Variants in SLC45A4 observed in about 807,000 individuals in gnomAD.
SLC45A4 encodes the protein polyamine-transporter SLC45A4.
A neutral mutation model predicts 63.7 loss-of-function variants in SLC45A4; 32 were observed. The observed-to-expected ratio is 0.50, with a 90% CI of 0.38 to 0.67. The LOEUF (loss-of-function observed/expected upper bound fraction) is 0.67. SLC45A4 is among the 30% of genes least tolerant of loss of function. SLC45A4 has a pLI of 0.00. For synonymous variants in SLC45A4, 535 were observed against 510.0 expected (o/e 1.05, Z -0.66); for missense variants, 1,027 against 1,157.7 (o/e 0.89, Z 1.64).
chr8:141,279,998 C>T (rs1300852897), intron 1 of SLC45A4, among the ~76,000 whole-genome samples: 2 of 152,266 alleles, frequency 1.3e-5, no homozygotes, highest in South Asian at 2.1e-4. Context: ...CAAGAACCAG[C>T]GGCAGCAGCG....
intron 1 of SLC45A4, among the ~76,000 whole-genome samples, chr8:141,288,397 A>G (rs538812010): frequency 2.0e-5 from 3 of 152,384 alleles, no homozygotes; most frequent in South Asian, 4.1e-4. Context: ...TTGCAAGCGC[A>G]TCGGTACGCC....
rs7816147 is a variant in SLC45A4, at chr8:141,270,599, A to C, written c.-400-15970T>G. ...GGTGGGAGAACCGCTTGAGGCCAGG[A>C]GGTGGAGGCTGCAGTGAGCCAAGAT... On this transcript the variant is annotated intron_variant, in intron 1 of 8. Coordinates refer to ENST00000517878, the MANE Select transcript of SLC45A4 (RefSeq NM_001286646.2). Among the ~76,000 whole-genome samples the C allele has an allele frequency of 3.2e-3, 483 of 152,120 alleles. 1 individual carries two copies. The highest frequency in any genetic ancestry group is 0.011 in the African/African-American group (457 of 41,502).
chr8:141,269,190 G>A (rs964444757), intron 1 of SLC45A4, among the ~76,000 whole-genome samples: 4 of 152,322 alleles, frequency 2.6e-5, no homozygotes, highest in African/African-American at 7.2e-5. Flanking sequence ...CTACGTCCCC[G>A]CTTTCACCCT....
At chr8:141,305,339 C>A (rs910179195) in intron 1 of SLC45A4, among the ~76,000 whole-genome samples, 2 of 152,230 alleles carry the variant, frequency 1.3e-5, no homozygotes, top group African/African-American at 4.8e-5. Context: ...TTCTACAAGG[C>A]TGCTCTTCGG....
intron 2 of SLC45A4, among the ~76,000 whole-genome samples, chr8:141,233,481 A>C (rs1221420240): frequency 6.6e-6 from 1 of 152,136 alleles, no homozygotes; most frequent in African/African-American, 2.4e-5. Context: ...CAGAAGTTCG[A>C]GATCAGCCTG....
intron 1 of SLC45A4, among the ~76,000 whole-genome samples, chr8:141,267,793 C>T (rs1029254159): frequency 6.7e-6 from 1 of 149,260 alleles, no homozygotes; most frequent in African/African-American, 2.6e-5. Context: ...ATGGCCAAAG[C>T]TTAGGGCACG....
At chr8:141,228,182 T>C in intron 2 of SLC45A4, 2 of 1,614,052 alleles carry the variant, frequency 1.2e-6, no homozygotes, top group Non-Finnish European at 1.7e-6. Flanking sequence ...TTCTAACCTT[T>C]CTGAAGACTC....
intron 4 of SLC45A4, 105 bp downstream of exon 4, chr8:141,219,545 G>T: frequency 7.5e-7 from 1 of 1,342,024 alleles, no homozygotes; most frequent in Non-Finnish European, 1.0e-6. Flanking sequence ...AACCCTCCAT[G>T]CAGCCTGATG....
chr8:141,244,953 T>TGGGGGGGGGGGGGGGGGGGGGGGGGGGGG (rs1332452740), intron 2 of SLC45A4, among the ~76,000 whole-genome samples: 1 of 27,754 alleles, frequency 3.6e-5, no homozygotes, highest in African/African-American at 3.2e-4. Context: ...CAAGAAGACG[T>TGGGGGGGGGGGGGGGGGGGGGGGGGGGGG]GGGTGGGGGG....
At chr8:141,225,856 C>G (rs1324250642) in intron 2 of SLC45A4, 1 of 152,922 alleles carries the variant, frequency 6.5e-6, no homozygotes, top group Non-Finnish European at 1.5e-5. Context: ...CACCTCCACC[C>G]GCCAGCCTCC....
intron 1 of SLC45A4, among the ~76,000 whole-genome samples, chr8:141,258,893 T>TAAA (rs367859490): frequency 1.8e-3 from 263 of 146,322 alleles, no homozygotes; most frequent in South Asian, 5.9e-3. Flanking sequence ...CTCTTTTTTT[T>TAAA]AAAAAAAAAA....
chr8:141,227,694 C>T lies in SLC45A4; in HGVS notation c.242-5929G>A, dbSNP rs764549429. Among the ~76,000 whole-genome samples, 8 of 152,070 alleles carry T rather than the reference C, an allele frequency of 5.3e-5. No homozygotes were observed. The highest frequency in any genetic ancestry group is 2.0e-4 in the Admixed American group (3 of 15,278). On this transcript the variant is annotated intron_variant, in intron 2 of 8. Coordinates refer to ENST00000517878, the MANE Select transcript of SLC45A4 (RefSeq NM_001286646.2). The surrounding 1 kb of genome is among the most constrained non-coding windows in gnomAD (Gnocchi z 4.4). ...CCCCGGCACTGAGGCTCTGTGCTGGCGAGGGCCCCACAGCTGCAAGGAATG... is the reference window on the plus strand; with the variant it reads ...CCCCGGCACTGAGGCTCTGTGCTGGTGAGGGCCCCACAGCTGCAAGGAATG...
At chr8:141,271,850 C>T (rs1348362392) in intron 1 of SLC45A4, among the ~76,000 whole-genome samples, 3 of 143,772 alleles carry the variant, frequency 2.1e-5, no homozygotes, top group Admixed American at 1.3e-4. Context: ...CACCTGTGTA[C>T]ACACACACAC....
At chr8:141,282,195 G>A (rs1334789823) in intron 1 of SLC45A4, among the ~76,000 whole-genome samples, 3 of 152,158 alleles carry the variant, frequency 2.0e-5, no homozygotes, top group Non-Finnish European at 2.9e-5. Context: ...GCCCAACCTC[G>A]AACCTGCAGG....
chr8:141,255,475 G>C (rs533783673), intron 1 of SLC45A4, among the ~76,000 whole-genome samples: 119 of 152,312 alleles, frequency 7.8e-4, no homozygotes, highest in African/African-American at 2.4e-3. Context: ...CAGCACATTG[G>C]GGGGCTGAAG....
chr8:141,251,293 T>C (rs1020411475), intron 2 of SLC45A4, among the ~76,000 whole-genome samples: 2 of 152,100 alleles, frequency 1.3e-5, no homozygotes, highest in African/African-American at 4.8e-5. Context: ...AAGTGGTTCT[T>C]CAGTTCCACG....
chr8:141,255,119 G>A (rs951803941), intron 1 of SLC45A4, among the ~76,000 whole-genome samples: 3 of 152,178 alleles, frequency 2.0e-5, no homozygotes, highest in Non-Finnish European at 4.4e-5. Context: ...TAGTGACAAG[G>A]TCTCGCTCCG....
At chr8:141,245,682 A>G (rs1828154025) in intron 2 of SLC45A4, among the ~76,000 whole-genome samples, 1 of 151,994 alleles carries the variant, frequency 6.6e-6, no homozygotes, top group Non-Finnish European at 1.5e-5. Context: ...GGACTCACAG[A>G]CCCTCAGCGT....
chr8:141,289,088 G>T (rs966676682), intron 1 of SLC45A4, among the ~76,000 whole-genome samples: 3 of 152,212 alleles, frequency 2.0e-5, no homozygotes, highest in Non-Finnish European at 4.4e-5. Context: ...CATGAAACCA[G>T]CCAGGTGCGC....
Sources: gnomAD v4.1 joint callset for allele counts (sites outside exome capture counted in the v4.1 genomes callset) on GRCh38, gnomAD v4.1.1 for gene constraint, Gnocchi (gnomAD v3.1) non-coding constraint, MANE v1.5 for transcripts, NCBI Gene and HGNC (gene_info 2026-07-23, HGNC 2026-07-21) for gene names.